Variants in AGBL4 observed in about 807,000 individuals in gnomAD.
The protein encoded by AGBL4 is AGBL carboxypeptidase 4.
In AGBL4, 58 loss-of-function variants were observed where a neutral mutation model predicts 66.4. The observed-to-expected ratio is 0.87, with a 90% CI of 0.71 to 1.09. The LOEUF (loss-of-function observed/expected upper bound fraction) is 1.09. Ranked by LOEUF, AGBL4 falls within the 50% of genes least tolerant of loss-of-function variation. The pLI, the probability that AGBL4 is intolerant of heterozygous loss-of-function variation, is 0.00. For synonymous variants in AGBL4, 234 were observed against 222.9 expected (o/e 1.05, Z -0.44); for missense variants, 579 against 631.0 (o/e 0.92, Z 0.88).
intron 3 of AGBL4, among the ~76,000 whole-genome samples, chr1:49,464,325 A>T (rs1356754540): frequency 6.6e-6 from 1 of 151,758 alleles, no homozygotes; most frequent in Non-Finnish European, 1.5e-5. Context: ...AGTCCCAGGG[A>T]GGCTTGCCCA....
intron 4 of AGBL4, among the ~76,000 whole-genome samples, chr1:49,237,261 T>TA (rs1381172325): frequency 1.3e-5 from 2 of 148,552 alleles, no homozygotes; most frequent in African/African-American, 5.0e-5. Flanking sequence ...AGACTACGTC[T>TA]AAAAAAAACT....
At chr1:49,796,693 G>A (rs1245615757) in intron 2 of AGBL4, among the ~76,000 whole-genome samples, 2 of 151,036 alleles carry the variant, frequency 1.3e-5, no homozygotes, top group Non-Finnish European at 3.0e-5. Flanking sequence ...AAATAAATAT[G>A]CAGGTTATTA....
chr1:49,939,988 C>T (rs1654568185), intron 1 of AGBL4, among the ~76,000 whole-genome samples: 1 of 152,104 alleles, frequency 6.6e-6, no homozygotes, highest in Non-Finnish European at 1.5e-5. Flanking sequence ...CTACAATGAA[C>T]TCAAACAAAT....
At chr1:48,966,153 T>C (rs1304513920) in intron 5 of AGBL4, among the ~76,000 whole-genome samples, 3 of 152,160 alleles carry the variant, frequency 2.0e-5, no homozygotes, top group Non-Finnish European at 4.4e-5. Context: ...ATACTTAGTA[T>C]TGAGAATGGA....
intron 3 of AGBL4, among the ~76,000 whole-genome samples, chr1:49,351,038 C>T (rs189245178): frequency 6.6e-5 from 10 of 152,254 alleles, no homozygotes; most frequent in Admixed American, 1.3e-4. Context: ...TAACAGCAAG[C>T]CGCTTCTTTC....
At chr1:48,742,725 G>C in intron 6 of AGBL4, 2 of 1,609,120 alleles carry the variant, frequency 1.2e-6, no homozygotes, top group Non-Finnish European at 1.7e-6. Flanking sequence ...ACTCCGGCTC[G>C]GGCTCGAGAC....
chr1:48,706,218 A>G (rs1218718224), intron 6 of AGBL4, among the ~76,000 whole-genome samples: 6 of 152,184 alleles, frequency 3.9e-5, no homozygotes, highest in Admixed American at 3.9e-4. Context: ...ATTATTTTAT[A>G]TGTATTAGAT....
chr1:48,629,662 G>A (rs1645562701), intron 9 of AGBL4, among the ~76,000 whole-genome samples: 1 of 152,116 alleles, frequency 6.6e-6, no homozygotes, highest in South Asian at 2.1e-4. Flanking sequence ...TAGATGCCGA[G>A]TCCAGGACTG....
In AGBL4 at chr1:49,230,662, G is replaced by A. The variant is rs143599793; in HGVS notation, c.377+15108C>T. Among the ~76,000 whole-genome samples the A allele has an allele frequency of 5.0e-4, 76 of 152,188 alleles. 1 individual carries two copies. The highest frequency in any genetic ancestry group is 1.8e-3 in the African/African-American group (75 of 41,512). ...AGCACATAATTGGAGGAAATATAAT[G>A]GAAATATTGAAACAAAAATAATATT... On this transcript the variant is annotated intron_variant, in intron 4 of 13. Coordinates refer to ENST00000371839, the MANE Select transcript of AGBL4 (RefSeq NM_032785.4).
intron 4 of AGBL4, among the ~76,000 whole-genome samples, chr1:49,053,042 G>A (rs933094942): frequency 6.6e-6 from 1 of 152,070 alleles, no homozygotes; most frequent in Non-Finnish European, 1.5e-5. Flanking sequence ...TTTGGAGATT[G>A]GTACCTGACA....
chr1:48,976,824 ACCTTC>A, intron 5 of AGBL4, among the ~76,000 whole-genome samples: 1 of 151,488 alleles, frequency 6.6e-6, no homozygotes, highest in East Asian at 2.0e-4. Context: ...ACTTTTTTAG[ACCTTC>A]TAAGGACCAT....
At chr1:49,871,913 T>C (rs1468474952) in intron 1 of AGBL4, among the ~76,000 whole-genome samples, 1 of 152,052 alleles carries the variant, frequency 6.6e-6, no homozygotes, top group Non-Finnish European at 1.5e-5. Flanking sequence ...TAATCAGCTC[T>C]AGAAATCTGA....
At chr1:49,647,007 T>C (rs1645902784) in intron 3 of AGBL4, among the ~76,000 whole-genome samples, 1 of 151,954 alleles carries the variant, frequency 6.6e-6, no homozygotes, top group Non-Finnish European at 1.5e-5. Flanking sequence ...CTTTTGATAT[T>C]GGCATCATAT....
At chr1:49,368,188 T>A (rs1644276242) in intron 3 of AGBL4, among the ~76,000 whole-genome samples, 1 of 152,178 alleles carries the variant, frequency 6.6e-6, no homozygotes, top group South Asian at 2.1e-4. Flanking sequence ...GTTTCCACCC[T>A]TTGTCTATTG....
chr1:49,409,315 C>A (rs1304242565), intron 3 of AGBL4, among the ~76,000 whole-genome samples: 2 of 152,130 alleles, frequency 1.3e-5, no homozygotes, highest in Non-Finnish European at 2.9e-5. Flanking sequence ...CAATTCACAT[C>A]TAATGAGGAT....
At chr1:49,596,595 G>GT (rs1168063754) in intron 3 of AGBL4, among the ~76,000 whole-genome samples, 10 of 152,154 alleles carry the variant, frequency 6.6e-5, no homozygotes, top group African/African-American at 2.4e-4. Flanking sequence ...GAAGGCATTT[G>GT]TTTTCTATTT....
At chr1:48,810,839 T>C (rs1646032056) in intron 6 of AGBL4, among the ~76,000 whole-genome samples, 1 of 152,154 alleles carries the variant, frequency 6.6e-6, no homozygotes, top group South Asian at 2.1e-4. Context: ...GCTTGCTCGT[T>C]TATTTTATTT....
intron 1 of AGBL4, among the ~76,000 whole-genome samples, chr1:49,951,793 T>C (rs540657985): frequency 5.8e-4 from 88 of 152,096 alleles, no homozygotes; most frequent in Admixed American, 3.9e-4. Context: ...AAACATTACA[T>C]TGTACACTGT....
At chr1:49,882,296 T>C (rs1264414733) in intron 1 of AGBL4, among the ~76,000 whole-genome samples, 8 of 150,634 alleles carry the variant, frequency 5.3e-5, no homozygotes, top group Non-Finnish European at 8.9e-5. Context: ...TGTAGCCTTG[T>C]AGTATAGTTT....
Sources: gnomAD v4.1 joint callset for allele counts (sites outside exome capture counted in the v4.1 genomes callset) on GRCh38, gnomAD v4.1.1 for gene constraint, MANE v1.5 for transcripts, NCBI Gene and HGNC (gene_info 2026-07-23, HGNC 2026-07-21) for gene names.